Variants in IFI6 observed in about 807,000 individuals in gnomAD.
The protein encoded by IFI6 is interferon alpha-inducible protein 6.
A neutral mutation model predicts 12.7 loss-of-function variants in IFI6; 10 were observed. That is an observed-to-expected ratio of 0.79 (90% confidence interval 0.49 to 1.33). IFI6 has a LOEUF of 1.33. IFI6 is among the 40% of genes most tolerant of loss of function. IFI6 has a pLI of 0.00. For synonymous variants in IFI6, 89 were observed against 86.2 expected (o/e 1.03, Z -0.18); for missense variants, 154 against 180.4 (o/e 0.85, Z 0.84).
chr1:27,669,813 T>A (rs2148545243), intron 1 of IFI6: 1 of 153,834 alleles, frequency 6.5e-6, no homozygotes, highest in Non-Finnish European at 1.4e-5. Context: ...GAATTTGCTT[T>A]AAAAAAATTT....
intron 1 of IFI6, 155 bp from the exon 2 acceptor site, chr1:27,669,501 C>T (rs2090388340): frequency 1.2e-5 from 7 of 582,376 alleles, no homozygotes; most frequent in Non-Finnish European, 2.2e-5. Context: ...GAATCCGTTT[C>T]CTCTCCGCAT....
intron 4 of IFI6, among the ~76,000 whole-genome samples, chr1:27,667,573 G>A (rs2090361155): frequency 6.6e-6 from 1 of 152,158 alleles, no homozygotes; most frequent in African/African-American, 2.4e-5. Flanking sequence ...TTGCTACTGT[G>A]GTCTCTGAGA....
At chr1:27,669,044 CAT>C (rs2090381556) in intron 2 of IFI6, among the ~76,000 whole-genome samples, 199 bp downstream of exon 2, 1 of 2,304 alleles carries the variant, frequency 4.3e-4, no homozygotes, top group African/African-American at 7.8e-4. Context: ...TCCTTACCTG[CAT>C]CCTTACCCGC....
intron 1 of IFI6, among the ~76,000 whole-genome samples, 163 bp downstream of exon 1, chr1:27,671,960 C>T (rs891291017): frequency 6.6e-6 from 1 of 152,182 alleles, no homozygotes; most frequent in African/African-American, 2.4e-5. Flanking sequence ...TCCAACCCAT[C>T]CTCTTAGACA....
intron 1 of IFI6, 98 bp downstream of exon 1, chr1:27,672,025 G>T (rs909449071): frequency 6.6e-6 from 1 of 152,230 alleles, no homozygotes; most frequent in African/African-American, 2.4e-5. Context: ...CCAGGAGAAG[G>T]GGCCTCCTGG....
At position 27,666,297 on chromosome 1, in the gene IFI6, A is replaced by AAG. The variant is rs1213560388; in HGVS notation, c.*83_*84insCT. 1.6e-6 allele frequency: 1 copy of AAG among 614,768 alleles called. No homozygotes were observed. The allele number at this position is 614,768 out of a possible 1,614,324, so 38.1% of individuals were successfully genotyped here. ...ATAGTGAGAACCCATCTCAAAAAAA[A>AAG]AAAAAAAAAAAAAAAGGCAAAGTTC... is the stretch of plus-strand genomic sequence containing the variant. On this transcript the variant is annotated 3_prime_UTR_variant, in exon 5 of 5. Coordinates refer to ENST00000361157, the MANE Select transcript of IFI6 (RefSeq NM_002038.4).
In IFI6 at chr1:27,666,371, G is replaced by A; in HGVS notation, c.*10C>T. 6.3e-7 allele frequency: 1 copy of A among 1,595,404 alleles called. No individual in the cohort carries two copies. Among genetic ancestry groups the A allele is most frequent in the Non-Finnish European group, 8.6e-7 (1 of 1,165,182 alleles). On this transcript the variant is annotated 3_prime_UTR_variant, in exon 5 of 5. Coordinates refer to ENST00000361157, the MANE Select transcript of IFI6 (RefSeq NM_002038.4). ...GCCAAGAAGGAAGAAGAGGTTCTGG[G>A]AGCTGCTGGCTACTCCTCATCCTCC...
chr1:27,671,205 G>A (rs1211160595), intron 1 of IFI6, among the ~76,000 whole-genome samples: 2 of 152,094 alleles, frequency 1.3e-5, no homozygotes, highest in African/African-American at 2.4e-5. Context: ...TTTATGGCAC[G>A]CAGTCCACTT....
At position 27,669,266 on chromosome 1, in the gene IFI6, T is replaced by C; in HGVS notation, c.49A>G (p.Thr17Ala). 6.4e-7 allele frequency: 1 copy of C among 1,552,024 alleles called. No homozygotes were observed. Residue 17 changes from threonine to alanine, a missense_variant, in exon 2 of 5, where the codon ACT becomes GCT. Physicochemically the swap from Thr to Ala is moderately conservative, Grantham distance 58. Coordinates refer to ENST00000361157, the MANE Select transcript of IFI6 (RefSeq NM_002038.4). ...SLFLCYLLLFTCSGVEAGKKK... is the reference protein window; with the variant it reads ...SLFLCYLLLFACSGVEAGKKK... ...TCACCTGCCTCCACCCCACTGCAAG[T>C]GAAGAGCAGCAGGTAGCACAAGAAA...
At chr1:27,671,796 C>G (rs376557036) in intron 1 of IFI6, among the ~76,000 whole-genome samples, 108 of 152,322 alleles carry the variant, frequency 7.1e-4, no homozygotes, top group African/African-American at 2.5e-3. Context: ...TCATCCAGTC[C>G]TTTGAGCAGC....
At chr1:27,667,240 C>CAAAAA (rs761365595) in intron 4 of IFI6, among the ~76,000 whole-genome samples, 4 of 12,282 alleles carry the variant, frequency 3.3e-4, no homozygotes, top group African/African-American at 5.4e-4. Context: ...CCCGTCTCTA[C>CAAAAA]AAAAAAAAAA....
chr1:27,668,403 C>G, intron 3 of IFI6, 28 bp from the exon 4 acceptor site: 2 of 1,576,860 alleles, frequency 1.3e-6, no homozygotes, highest in Non-Finnish European at 1.7e-6. Flanking sequence ...GGTGAGGGAG[C>G]GTCCGCGGCA....
intron 1 of IFI6, chr1:27,669,781 T>C (rs915360939): frequency 5.9e-6 from 1 of 169,422 alleles, no homozygotes; most frequent in African/African-American, 2.4e-5. Context: ...TCCCCGGCAC[T>C]TTGAACAGTG....
chr1:27,666,521 C>T (rs1320592785), intron 4 of IFI6, 46 bp from the exon 5 acceptor site: 4 of 1,389,008 alleles, frequency 2.9e-6, no homozygotes, highest in Middle Eastern at 1.8e-4. Context: ...AGTGCCAGGC[C>T]TGGGAATCCA....
intron 4 of IFI6, among the ~76,000 whole-genome samples, chr1:27,667,990 G>A (rs2090364330): frequency 6.6e-6 from 1 of 152,240 alleles, no homozygotes; most frequent in African/African-American, 2.4e-5. Flanking sequence ...AAAATCGCTT[G>A]AGCCAGGGAG....
At chr1:27,666,813 G>T (rs990455954) in intron 4 of IFI6, among the ~76,000 whole-genome samples, 3 of 152,144 alleles carry the variant, frequency 2.0e-5, no homozygotes, top group African/African-American at 7.2e-5. Flanking sequence ...TCACAGCTAT[G>T]TGCCATGTGA....
At chr1:27,668,680 T>C (rs765136086) in intron 2 of IFI6, 145 bp from the exon 3 acceptor site, 117 of 651,022 alleles carry the variant, frequency 1.8e-4, no homozygotes, top group Non-Finnish European at 2.7e-4. Context: ...GAAGGGACTT[T>C]CCCCTAGGCG....
chr1:27,666,433 AG>A lies in IFI6; in HGVS notation c.340del (p.Leu114Ter), dbSNP rs775221515. ...ATACTTGTGGGTGGCGTAGCCCATC[AG>A]GGCACCAATATTACCTATGACGACG... ...SSVVIGNIGA[L>X]MGYATHKYLD... On this transcript the variant is annotated frameshift_variant, in exon 5 of 5. Transcript: ENST00000361157. LOFTEE classifies it low-confidence loss of function (END_TRUNC). 4 of 1,613,930 alleles carry A rather than the reference AG, an allele frequency of 2.5e-6. No homozygotes were observed. Among genetic ancestry groups the A allele is most frequent in the Middle Eastern group, 1.7e-4 (1 of 6,060 alleles).
intron 4 of IFI6, among the ~76,000 whole-genome samples, chr1:27,667,182 T>C (rs1294273468): frequency 7.1e-6 from 1 of 141,814 alleles, no homozygotes; most frequent in African/African-American, 2.7e-5. Flanking sequence ...AGTGGGAGGA[T>C]TGCTTGAGCC....
Sources: allele counts gnomAD v4.1 joint callset (sites outside exome capture counted in the v4.1 genomes callset), GRCh38; gene constraint gnomAD v4.1.1; transcripts MANE v1.5; gene names NCBI Gene and HGNC (gene_info 2026-07-23, HGNC 2026-07-21).